Variants in TTC39A observed in about 807,000 individuals in gnomAD.
TTC39A encodes tetratricopeptide repeat protein 39A.
A neutral mutation model predicts 82.3 loss-of-function variants in TTC39A; 46 were observed. That is an observed-to-expected ratio of 0.56 (90% CI 0.44 to 0.71). The LOEUF (loss-of-function observed/expected upper bound fraction) is 0.71, where lower values mean the gene tolerates loss of function less well. Ranked by LOEUF, TTC39A falls within the 30% of genes least tolerant of loss-of-function variation. TTC39A has a pLI of 0.00. For synonymous variants in TTC39A, 254 were observed against 275.2 expected (o/e 0.92, Z 0.76); for missense variants, 543 against 712.9 (o/e 0.76, Z 2.71).
Position 51,321,857 on chromosome 1 carries a change from G to C in TTC39A, c.42-32C>G, listed in dbSNP as rs1645533927. ...GAAGAGATGCGGGGCATGACACAGG[G>C]GCCCTCCAACCCTCCAGCCTCTCCT... On this transcript the variant is annotated intron_variant, in intron 1 of 17. Transcript: ENST00000680483. This position sits in a 1 kb window ranked among gnomAD's most constrained non-coding sequence, Gnocchi z 4.6. 6.3e-7 allele frequency: 1 copy of C among 1,586,030 alleles called. No homozygotes were observed. The highest frequency in any genetic ancestry group is 8.6e-7 in the Non-Finnish European group (1 of 1,161,166).
At chr1:51,322,014 A>G in intron 1 of TTC39A, 189 bp from the exon 2 acceptor site, 1 of 1,449,128 alleles carries the variant, frequency 6.9e-7, no homozygotes. Context: ...GGTGTTCCCA[A>G]GGGTGGGAGG....
intron 5 of TTC39A, 96 bp from the exon 6 acceptor site, chr1:51,309,421 G>T (rs1410286409): frequency 6.3e-7 from 1 of 1,595,222 alleles, no homozygotes; most frequent in Admixed American, 1.7e-5. Flanking sequence ...GCCCCTCCGT[G>T]TGAGGAACCC....
intron 13 of TTC39A, among the ~76,000 whole-genome samples, chr1:51,295,044 A>T (rs547551073): frequency 6.6e-6 from 1 of 152,228 alleles, no homozygotes; most frequent in South Asian, 2.1e-4. Context: ...CACCAGCTCC[A>T]TCCCACCCTC....
upstream of TTC39A, chr1:51,330,640 C>T: frequency 1.0e-6 from 1 of 982,952 alleles, no homozygotes; most frequent in African/African-American, 1.8e-5. The surrounding 1 kb of genome is among the most constrained non-coding windows in gnomAD (Gnocchi z 4.5). Context: ...GCCTCGGTCT[C>T]CCCACCCGCA....
chr1:51,336,027 C>T (rs1025968840), upstream of TTC39A, among the ~76,000 whole-genome samples: 1 of 151,958 alleles, frequency 6.6e-6, no homozygotes, highest in African/African-American at 2.4e-5. Flanking sequence ...ATGAAGCGCC[C>T]CCTCCCCAAC....
chr1:51,341,072 G>A (rs1395147751), intron 1 of TTC39A, among the ~76,000 whole-genome samples: 1 of 152,196 alleles, frequency 6.6e-6, no homozygotes, highest in African/African-American at 2.4e-5. Flanking sequence ...TCGGGAGGCT[G>A]AGGCAGGAGA....
chr1:51,306,373 T>C (rs1482055587), intron 6 of TTC39A, among the ~76,000 whole-genome samples: 1 of 152,218 alleles, frequency 6.6e-6, no homozygotes, highest in Non-Finnish European at 1.5e-5. Context: ...TCCGCGCTAC[T>C]GACATTTTGG....
chr1:51,320,427 T>C (rs1329939683), intron 2 of TTC39A, among the ~76,000 whole-genome samples: 1 of 144,924 alleles, frequency 6.9e-6, no homozygotes, highest in African/African-American at 2.5e-5. Flanking sequence ...TTTTTTTTTT[T>C]TTTTTTTTTG....
chr1:51,307,716 C>A (rs1460668629), intron 6 of TTC39A, among the ~76,000 whole-genome samples: 4 of 126,058 alleles, frequency 3.2e-5, no homozygotes, highest in Admixed American at 9.7e-5. Flanking sequence ...GCCTGGGCGA[C>A]AGAGCAAGAC....
At chr1:51,342,763 A>G (rs978544900) in intron 1 of TTC39A, among the ~76,000 whole-genome samples, 1 of 152,192 alleles carries the variant, frequency 6.6e-6, no homozygotes, top group Admixed American at 6.5e-5. Flanking sequence ...GCATGTGTGC[A>G]GGCTCACAAT....
At chr1:51,302,479 G>A in intron 10 of TTC39A, 27 bp downstream of exon 10, 1 of 1,607,834 alleles carries the variant, frequency 6.2e-7, no homozygotes, top group Non-Finnish European at 8.5e-7. Context: ...TGTGGGCTGG[G>A]GGTACCGGGC....
At chr1:51,313,202 G>A (rs1012976637) in intron 2 of TTC39A, among the ~76,000 whole-genome samples, 44 of 152,294 alleles carry the variant, frequency 2.9e-4, no homozygotes, top group African/African-American at 9.4e-4. Flanking sequence ...TCATCAGCTC[G>A]GTAGGGGTGG....
rs1645873306 is a variant in TTC39A at position 51,330,485 on chromosome 1, G to A, written c.-8C>T. The A allele has an allele frequency of 3.2e-5, 31 of 983,662 alleles. No individual in the cohort carries two copies. Among genetic ancestry groups the A allele is most frequent in the Non-Finnish European group, 3.7e-5 (31 of 830,232 alleles). The allele number at this position is 983,662 out of a possible 1,614,324, so 60.9% of individuals were successfully genotyped here. A position where few individuals can be genotyped will look rare whatever the true frequency, so the allele number is the denominator to read the frequency against. On this transcript the variant is annotated 5_prime_UTR_variant, in exon 1 of 18. Transcript: ENST00000680483. The surrounding 1 kb of genome is among the most constrained non-coding windows in gnomAD (Gnocchi z 4.5). The stretch of plus-strand genomic sequence containing the variant: ...GCCGCCAGCCGAGGTCATCGCCGAG[G>A]GGCGCGGGCGGCGCTGCCCCAGCCG...
intron 1 of TTC39A, among the ~76,000 whole-genome samples, chr1:51,327,296 G>A (rs144428542): frequency 2.8e-3 from 432 of 152,364 alleles, no homozygotes; most frequent in Middle Eastern, 6.8e-3. Context: ...CTCCACCACT[G>A]AGGGGAACTT....
chr1:51,344,984 C>A (rs1030672409), intron 1 of TTC39A: 7 of 1,525,718 alleles, frequency 4.6e-6, no homozygotes. Context: ...CCACCCCTGC[C>A]CGGTACCTGC....
chr1:51,295,768 C>T, intron 13 of TTC39A: 1 of 438,010 alleles, frequency 2.3e-6, no homozygotes, highest in Non-Finnish European at 4.2e-6. Context: ...CCTTCCCTCC[C>T]TGGACCTTGG....
intron 11 of TTC39A, chr1:51,301,955 G>C (rs531306650): frequency 1.5e-6 from 1 of 656,944 alleles, no homozygotes; most frequent in African/African-American, 1.8e-5. Context: ...TACAGCCCCC[G>C]CCTAGGACTC....
chr1:51,330,429 G>A lies in TTC39A; in HGVS notation c.41+8C>T. Reference sequence around the variant, plus strand: ...CCGCGCCCCCGGGCCTCCCAGCCGCGCACTTACCCCGCGGGCAGGGCTCCT... The same window carrying A: ...CCGCGCCCCCGGGCCTCCCAGCCGCACACTTACCCCGCGGGCAGGGCTCCT... On this transcript the variant is annotated splice_region_variant and intron_variant, in intron 1 of 17. Coordinates refer to ENST00000680483, the MANE Select transcript of TTC39A (RefSeq NM_001297663.2). This position sits in a 1 kb window ranked among gnomAD's most constrained non-coding sequence, Gnocchi z 4.5. 1 of 982,060 alleles carries A rather than the reference G, an allele frequency of 1.0e-6. No individual in the cohort carries two copies. The highest frequency in any genetic ancestry group is 1.2e-6 in the Non-Finnish European group (1 of 829,318). The allele number at this position is 982,060 out of a possible 1,614,324, so 60.8% of individuals were successfully genotyped here.
chr1:51,322,280 C>G, intron 1 of TTC39A: 1 of 1,439,934 alleles, frequency 6.9e-7, no homozygotes, highest in Non-Finnish European at 9.1e-7. Flanking sequence ...GAATCCCTGA[C>G]GTTGTCACAA....
Sources: allele counts gnomAD v4.1 joint callset (sites outside exome capture counted in the v4.1 genomes callset), GRCh38; gene constraint gnomAD v4.1.1; non-coding constraint Gnocchi (gnomAD v3.1); transcripts MANE v1.5; gene names NCBI Gene and HGNC (gene_info 2026-07-23, HGNC 2026-07-21).